The following PCDHA10 variants were observed in gnomAD, a reference collection of about 807,000 sequenced individuals.
PCDHA10 encodes protocadherin alpha-10.
Under a neutral mutation model 61.2 loss-of-function variants are expected in PCDHA10, and 45 were observed. The observed-to-expected ratio is 0.74, with a 90% CI of 0.58 to 0.94. The LOEUF (loss-of-function observed/expected upper bound fraction) is 0.94, where lower values mean the gene tolerates loss of function less well. Ranked by LOEUF, PCDHA10 falls within the 40% of genes least tolerant of loss-of-function variation. The pLI is 0.00. For synonymous variants in PCDHA10, 602 were observed against 548.8 expected, an observed-to-expected ratio of 1.10 and a Z score of -1.35; for missense variants, 1,278 against 1,236.2, an observed-to-expected ratio of 1.03 and a Z score of -0.51.
intron 1 of PCDHA10, chr5:140,968,917 T>G: frequency 6.2e-7 from 1 of 1,614,216 alleles, no homozygotes; most frequent in Non-Finnish European, 8.5e-7. Flanking sequence ...CAGTGTCTTT[T>G]ATATTTCTTT....
intron 1 of PCDHA10, among the ~76,000 whole-genome samples, chr5:140,939,737 G>GTA (rs1554212873): frequency 6.6e-6 from 1 of 152,160 alleles, no homozygotes; most frequent in Non-Finnish European, 1.5e-5. Flanking sequence ...GTGTAGCTGT[G>GTA]TATCATTCAT....
At chr5:140,993,521 G>A (rs1554253818) in intron 3 of PCDHA10, among the ~76,000 whole-genome samples, 1 of 151,130 alleles carries the variant, frequency 6.6e-6, no homozygotes, top group African/African-American at 2.4e-5. Context: ...GGGAGAGAGA[G>A]ACAGAGAGAG....
chr5:141,007,377 A>C (rs13186204), intron 3 of PCDHA10, among the ~76,000 whole-genome samples: 7,611 of 136,554 alleles, frequency 0.056, 239 homozygotes, highest in South Asian at 0.11. Flanking sequence ...ATGATGGAAC[A>C]CCATCTCTAC....
At chr5:140,876,443 A>C in intron 1 of PCDHA10, 1 of 1,614,012 alleles carries the variant, frequency 6.2e-7, no homozygotes, top group Non-Finnish European at 8.5e-7. Context: ...AACGCCATTG[A>C]TAAAGGGATT....
At chr5:140,876,456 T>C (rs2056356318) in intron 1 of PCDHA10, 11 of 1,613,932 alleles carry the variant, frequency 6.8e-6, no homozygotes, top group Non-Finnish European at 8.5e-6. Context: ...AAGGGATTCC[T>C]TCCATGGCAG....
chr5:140,926,756 G>T, intron 1 of PCDHA10: 1 of 1,289,704 alleles, frequency 7.8e-7, no homozygotes, highest in South Asian at 2.2e-5. Context: ...GGCGGTCGCT[G>T]AGTATCCAGC....
intron 1 of PCDHA10, among the ~76,000 whole-genome samples, chr5:140,962,962 A>G (rs1273558602): frequency 1.3e-5 from 2 of 152,194 alleles, no homozygotes; most frequent in South Asian, 2.1e-4. Flanking sequence ...CTATCCCTAT[A>G]TAGGAAATTT....
intron 3 of PCDHA10, among the ~76,000 whole-genome samples, chr5:140,998,621 A>G (rs1167341355): frequency 5.3e-5 from 8 of 151,758 alleles, no homozygotes; most frequent in Admixed American, 3.9e-4. Context: ...CTGGAGTGCA[A>G]TGGCACAATC....
At chr5:140,870,494 A>G (rs782779572) in intron 1 of PCDHA10, 1 of 1,614,236 alleles carries the variant, frequency 6.2e-7, no homozygotes, top group South Asian at 1.1e-5. Flanking sequence ...GTGTTCGTGA[A>G]GGAGAACAAC....
intron 1 of PCDHA10, chr5:140,928,010 G>A: frequency 1.2e-6 from 2 of 1,614,168 alleles, no homozygotes; most frequent in Non-Finnish European, 1.7e-6. Context: ...GATTCTAATG[G>A]TAGGGTCATT....
chr5:140,966,645 C>T (rs369620766), intron 1 of PCDHA10: 7 of 1,125,658 alleles, frequency 6.2e-6, no homozygotes, highest in Non-Finnish European at 8.2e-6. Flanking sequence ...CTTTCTAGAG[C>T]GTGAGCGGTG....
At chr5:140,929,545 A>T in intron 1 of PCDHA10, 1 of 514,856 alleles carries the variant, frequency 1.9e-6, no homozygotes, top group Non-Finnish European at 3.2e-6. Context: ...ACAAGGGCAA[A>T]AATTAAAACC....
chr5:140,927,822 T>A (rs1554205109), intron 1 of PCDHA10: 1 of 1,614,152 alleles, frequency 6.2e-7, no homozygotes, highest in Admixed American at 1.7e-5. Context: ...AGGCATACAT[T>A]GAGGCGAGGG....
At chr5:140,876,745 G>T (rs782242909) in intron 1 of PCDHA10, 2 of 1,614,264 alleles carry the variant, frequency 1.2e-6, no homozygotes, top group South Asian at 2.2e-5. Flanking sequence ...TGAGCTGGTG[G>T]TGACTGCGCG....
Position 140,893,828 on chromosome 5 carries a change from C to T in PCDHA10, c.2388+35392C>T, listed in dbSNP as rs144587014. Among the ~76,000 whole-genome samples the T allele has an allele frequency of 1.9e-3, 290 of 152,282 alleles. 1 individual carries two copies. Among genetic ancestry groups the T allele is most frequent in the African/African-American group, 6.6e-3 (275 of 41,556 alleles). ...CTTGAGTCTGGTACCGTAGACTACT[C>T]AGCCATCCTGATGCCCTACCTCTTG... On this transcript the variant is annotated intron_variant, in intron 1 of 3. Coordinates refer to ENST00000307360, the MANE Select transcript of PCDHA10 (RefSeq NM_018901.4).
intron 1 of PCDHA10, chr5:140,870,462 G>A (rs181856615): frequency 6.4e-4 from 1,040 of 1,614,196 alleles, no homozygotes; most frequent in Non-Finnish European, 8.0e-4. Flanking sequence ...ATGCGCCTGC[G>A]TTCGCACAGC....
intron 1 of PCDHA10, chr5:140,875,821 T>C: frequency 6.2e-7 from 1 of 1,614,192 alleles, no homozygotes; most frequent in Non-Finnish European, 8.5e-7. Context: ...GCTGCAGGTT[T>C]TCCATGTGGA....
chr5:140,858,677 T>C (rs1480959792), intron 1 of PCDHA10: 2 of 629,026 alleles, frequency 3.2e-6, no homozygotes, highest in South Asian at 4.5e-5. Flanking sequence ...TTATTCTGAA[T>C]ACACTAATAT....
intron 1 of PCDHA10, among the ~76,000 whole-genome samples, chr5:140,886,770 G>A (rs1554182701): frequency 6.8e-6 from 1 of 146,884 alleles, no homozygotes; most frequent in Non-Finnish European, 1.5e-5. Context: ...AGGTTGCAGT[G>A]AGATGAGATC....
Sources: allele counts gnomAD v4.1 joint callset (sites outside exome capture counted in the v4.1 genomes callset), GRCh38; gene constraint gnomAD v4.1.1; transcripts MANE v1.5; gene names NCBI Gene and HGNC (gene_info 2026-07-23, HGNC 2026-07-21).